AAK1: variants seen among roughly 807,000 people sequenced by gnomAD.
The protein encoded by AAK1 is AP2 associated kinase 1.
Under a neutral mutation model 116.0 loss-of-function variants are expected in AAK1, and 37 were observed. That is an observed-to-expected ratio of 0.32 (90% CI 0.25 to 0.42). The LOEUF (loss-of-function observed/expected upper bound fraction) is 0.42. AAK1 is among the 10% of genes least tolerant of loss of function. AAK1 has a pLI of 1.00. For missense variants in AAK1, 919 were observed against 1,170.6 expected (o/e 0.79, Z 3.14); for synonymous variants, 458 against 439.9 (o/e 1.04, Z -0.51).
intron 2 of AAK1, among the ~76,000 whole-genome samples, chr2:69,623,931 T>C (rs1222693661): frequency 6.6e-6 from 1 of 152,122 alleles, no homozygotes; most frequent in Admixed American, 6.6e-5. Context: ...AAAGAACTCC[T>C]ATTAAGTCAT....
intron 12 of AAK1, among the ~76,000 whole-genome samples, chr2:69,518,338 C>T (rs554959197): frequency 6.6e-6 from 1 of 151,440 alleles, no homozygotes; most frequent in African/African-American, 2.4e-5. Context: ...GTTATTTTTT[C>T]CTCTCTTATG....
chr2:69,577,778 C>T (rs1167645250), intron 2 of AAK1, among the ~76,000 whole-genome samples: 1 of 152,160 alleles, frequency 6.6e-6, no homozygotes, highest in East Asian at 1.9e-4. Flanking sequence ...CCACAACTGT[C>T]TCCACAGGAG....
intron 8 of AAK1, among the ~76,000 whole-genome samples, chr2:69,528,100 G>A (rs1298362815): frequency 6.6e-6 from 1 of 152,188 alleles, no homozygotes; most frequent in African/African-American, 2.4e-5. Context: ...AGTCAGTGGG[G>A]AAGCAAAGAA....
intron 3 of AAK1, among the ~76,000 whole-genome samples, chr2:69,552,604 G>A (rs1245417871): frequency 6.6e-6 from 1 of 151,958 alleles, no homozygotes. Flanking sequence ...CCAGCTACTC[G>A]GGAGGCTGAG....
intron 2 of AAK1, among the ~76,000 whole-genome samples, chr2:69,639,088 G>A (rs1675581494): frequency 6.6e-6 from 1 of 152,194 alleles, no homozygotes; most frequent in African/African-American, 2.4e-5. Flanking sequence ...GTTTACTGAT[G>A]TGGACATTTG....
chr2:69,538,061 A>G (rs1670552207), intron 5 of AAK1, among the ~76,000 whole-genome samples: 1 of 152,232 alleles, frequency 6.6e-6, no homozygotes, highest in Admixed American at 6.5e-5. Flanking sequence ...GTCTCCCTCC[A>G]TGCAACCAAC....
chr2:69,565,858 C>A (rs538593294), intron 2 of AAK1, among the ~76,000 whole-genome samples: 144 of 151,776 alleles, frequency 9.5e-4, no homozygotes, highest in African/African-American at 3.3e-3. Flanking sequence ...GTCCTCTCCA[C>A]AGTGAGAGCT....
Position 69,532,169 on chromosome 2 carries a change from A to C in AAK1, c.535-7T>G. ...GCAAGAGGATGTTTTCAACCTGAAA[A>C]ACATTCCCCAACCACCCATTCCAAG... is the stretch of plus-strand genomic sequence containing the variant. On this transcript the variant is annotated splice_polypyrimidine_tract_variant and splice_region_variant and intron_variant, in intron 5 of 21. Transcript: ENST00000409085. 1 of 1,612,978 alleles carries C rather than the reference A, an allele frequency of 6.2e-7. No individual in the cohort carries two copies. The highest frequency in any genetic ancestry group is 8.5e-7 in the Non-Finnish European group (1 of 1,179,150).
intron 2 of AAK1, among the ~76,000 whole-genome samples, chr2:69,613,184 G>A (rs182854018): frequency 6.6e-5 from 10 of 152,222 alleles, no homozygotes; most frequent in Non-Finnish European, 1.3e-4. Context: ...CCAAATCATG[G>A]GGCCAATGAT....
At chr2:69,620,914 T>C (rs144392091) in intron 2 of AAK1, among the ~76,000 whole-genome samples, 3 of 152,340 alleles carry the variant, frequency 2.0e-5, no homozygotes, top group African/African-American at 4.8e-5. Flanking sequence ...CCTAGATATC[T>C]TTCCTTAAAA....
intron 9 of AAK1, among the ~76,000 whole-genome samples, chr2:69,525,739 A>C (rs1669995397): frequency 6.6e-6 from 1 of 152,190 alleles, no homozygotes; most frequent in South Asian, 2.1e-4. Context: ...GCTGTCCCTA[A>C]CCCTAAAACA....
At chr2:69,524,619 G>GAC (rs377416233) in intron 10 of AAK1, among the ~76,000 whole-genome samples, 4 of 150,612 alleles carry the variant, frequency 2.7e-5, no homozygotes, top group African/African-American at 7.4e-5. Flanking sequence ...ATTTTTAGTA[G>GAC]ATGGGATTTT....
At chr2:69,540,331 G>A (rs999426736) in intron 5 of AAK1, among the ~76,000 whole-genome samples, 7 of 152,090 alleles carry the variant, frequency 4.6e-5, no homozygotes, top group African/African-American at 1.7e-4. Context: ...ATGTTGGCCA[G>A]GCTGGTCTCG....
chr2:69,609,986 CT>C (rs58805990), intron 2 of AAK1, among the ~76,000 whole-genome samples: 16,570 of 142,790 alleles, frequency 0.12, 2,138 homozygotes, highest in African/African-American at 0.31. Flanking sequence ...GGAGGCGGAG[CT>C]TTGCAGTGAG....
Position 69,467,848 on chromosome 2 carries a change from T to A in AAK1, c.*8021A>T. 1 of 985,440 alleles carries A rather than the reference T, an allele frequency of 1.0e-6. No individual in the cohort carries two copies. The highest frequency in any genetic ancestry group is 1.2e-6 in the Non-Finnish European group (1 of 829,916). The allele number at this position is 985,440 out of a possible 1,614,324, so 61.0% of individuals were successfully genotyped here. On this transcript the variant is annotated 3_prime_UTR_variant, in exon 22 of 22. Coordinates refer to ENST00000409085, the MANE Select transcript of AAK1 (RefSeq NM_014911.5). Reference sequence around the variant, plus strand: ...TAGAGACATTACATTGTAAAGAGAATGTAGAGAGAGGTCTGAACATTTTAT... The same window carrying A: ...TAGAGACATTACATTGTAAAGAGAAAGTAGAGAGAGGTCTGAACATTTTAT...
Position 69,466,222 on chromosome 2 carries a change from C to T in AAK1, c.*9647G>A. On this transcript the variant is annotated 3_prime_UTR_variant, in exon 22 of 22. Transcript: ENST00000409085. ...GTCTTTGCTTGCTCAGGAGAGACTTCTGGTGGAGCGAATGGAACGGCTCCT... is the reference window on the plus strand; with the variant it reads ...GTCTTTGCTTGCTCAGGAGAGACTTTTGGTGGAGCGAATGGAACGGCTCCT... 1 of 1,289,806 alleles carries T rather than the reference C, an allele frequency of 7.8e-7. No individual in the cohort carries two copies. 79.9% of individuals were successfully genotyped at this position (1,289,806 alleles called of 1,614,324 possible).
intron 2 of AAK1, among the ~76,000 whole-genome samples, chr2:69,569,019 G>A (rs1423355092): frequency 6.6e-6 from 1 of 151,996 alleles, no homozygotes; most frequent in Non-Finnish European, 1.5e-5. Flanking sequence ...CCCTTCTACT[G>A]CACCCCTGAT....
At position 69,468,418 on chromosome 2, in the gene AAK1, T is replaced by A; in HGVS notation, c.*7451A>T. The A allele has an allele frequency of 7.1e-6, 7 of 985,432 alleles. No individual in the cohort carries two copies. The highest frequency in any genetic ancestry group is 8.4e-6 in the Non-Finnish European group (7 of 829,928). 61.0% of individuals were successfully genotyped at this position (985,432 alleles called of 1,614,324 possible). A position where few individuals can be genotyped will look rare whatever the true frequency, so the allele number is the denominator to read the frequency against. ...CCTAAAACTCCTTGAACCACCTTCC[T>A]CACATAGTATCAGTTGGACAAAGTT... is the stretch of plus-strand genomic sequence containing the variant. On this transcript the variant is annotated 3_prime_UTR_variant, in exon 22 of 22. Transcript: ENST00000409085.
Position 69,481,031 on chromosome 2 carries a change from C to G in AAK1, c.2468-70G>C, listed in dbSNP as rs2104894409. ...GAGTCAGAAGTTTCTTTAGGAAATT[C>G]TGTGAAGCTTTCTTCTTTTTTTTTA... On this transcript the variant is annotated intron_variant, in intron 18 of 21. Transcript: ENST00000409085. 9.5e-6 allele frequency: 12 copies of G among 1,262,194 alleles called. No individual in the cohort carries two copies. The South Asian group carries it at 1.7e-4, about 18-fold the overall frequency. 78.2% of individuals were successfully genotyped at this position (1,262,194 alleles called of 1,614,324 possible).
Sources: gnomAD v4.1 joint callset for allele counts (sites outside exome capture counted in the v4.1 genomes callset) on GRCh38, gnomAD v4.1.1 for gene constraint, MANE v1.5 for transcripts, NCBI Gene and HGNC (gene_info 2026-07-23, HGNC 2026-07-21) for gene names.